The following STIMATE variants were observed in gnomAD, a reference collection of about 807,000 sequenced individuals.
STIMATE encodes store-operated calcium entry regulator STIMATE.
STIMATE carries 15 observed loss-of-function variants against 36.7 expected under a neutral mutation model. The observed-to-expected ratio is 0.41, with a 90% confidence interval of 0.27 to 0.63. The LOEUF is 0.63. Among genes scored for constraint, STIMATE ranks in the 20% least tolerant of loss-of-function variants. The pLI is 0.32. For synonymous variants in STIMATE, 163 were observed against 162.3 expected, an observed-to-expected ratio of 1.00 and a Z score of -0.03; for missense variants, 305 against 397.3, an observed-to-expected ratio of 0.77 and a Z score of 1.98.
intron 1 of STIMATE, among the ~76,000 whole-genome samples, chr3:52,859,180 T>A (rs1328719790): frequency 6.8e-6 from 1 of 146,444 alleles, no homozygotes; most frequent in African/African-American, 2.5e-5. Context: ...ATAAAATAAA[T>A]AAAATAAAAT....
At chr3:52,854,104 C>T (rs1410212330) in intron 2 of STIMATE, among the ~76,000 whole-genome samples, 2 of 152,136 alleles carry the variant, frequency 1.3e-5, no homozygotes, top group Non-Finnish European at 2.9e-5. Context: ...TGGTCTCTGT[C>T]CTGGTTTCTG....
intron 7 of STIMATE, among the ~76,000 whole-genome samples, chr3:52,841,382 G>T (rs1283230809): frequency 6.6e-6 from 1 of 152,266 alleles, no homozygotes; most frequent in Non-Finnish European, 1.5e-5. Context: ...AGCCAACTCT[G>T]TAACTGCTGA....
chr3:52,891,286 C>G (rs531938414), intron 1 of STIMATE, among the ~76,000 whole-genome samples: 131 of 152,290 alleles, frequency 8.6e-4, no homozygotes, highest in Non-Finnish European at 1.8e-3. Context: ...TCTGCACTTA[C>G]TAACCAGGAG....
chr3:52,875,729 C>G (rs1320948912), intron 1 of STIMATE, among the ~76,000 whole-genome samples: 1 of 152,232 alleles, frequency 6.6e-6, no homozygotes. Flanking sequence ...CTGGGTCACT[C>G]AACTTACTAG....
chr3:52,868,980 C>G (rs768870412), intron 1 of STIMATE, among the ~76,000 whole-genome samples: 1 of 152,150 alleles, frequency 6.6e-6, no homozygotes, highest in Non-Finnish European at 1.5e-5. Context: ...AAAGTATCAT[C>G]TCTATTTTAC....
At chr3:52,855,663 G>C (rs144948077) in intron 1 of STIMATE, among the ~76,000 whole-genome samples, 129 of 152,346 alleles carry the variant, frequency 8.5e-4, no homozygotes, top group Middle Eastern at 6.8e-3. Flanking sequence ...CACTTAGGGA[G>C]AAGGACTCCT....
intron 1 of STIMATE, among the ~76,000 whole-genome samples, chr3:52,895,301 G>C (rs529649018): frequency 3.3e-5 from 5 of 152,210 alleles, no homozygotes; most frequent in Admixed American, 1.3e-4. Context: ...AGCTCCCAGA[G>C]TACCATTGCC....
At chr3:52,879,651 T>G (rs561364966) in intron 1 of STIMATE, among the ~76,000 whole-genome samples, 2 of 152,216 alleles carry the variant, frequency 1.3e-5, no homozygotes, top group East Asian at 3.9e-4. Flanking sequence ...CAATGCTCAC[T>G]TTGTTCATCT....
chr3:52,861,003 C>T (rs532162584), intron 1 of STIMATE, among the ~76,000 whole-genome samples: 15 of 152,322 alleles, frequency 9.8e-5, no homozygotes, highest in African/African-American at 1.4e-4. Context: ...GTGGCTCAGG[C>T]AGGGTCCTAG....
rs150765976 is a variant in STIMATE at position 52,883,807 on chromosome 3, T to C, written c.160+13484A>G. 3.1e-3 allele frequency among the ~76,000 whole-genome samples: 472 copies of C among 152,344 alleles called. 2 individuals carry two copies. The highest frequency in any genetic ancestry group is 6.4e-3 in the South Asian group (31 of 4,828). On this transcript the variant is annotated intron_variant, in intron 1 of 7. Coordinates refer to ENST00000355083, the MANE Select transcript of STIMATE (RefSeq NM_198563.5). Reference sequence around the variant, plus strand: ...CTTTTCTATTTTCCATTGTGCTTATTATTTTTCTTTAAAACTTTAGCATAT... The same window carrying C: ...CTTTTCTATTTTCCATTGTGCTTATCATTTTTCTTTAAAACTTTAGCATAT...
intron 1 of STIMATE, among the ~76,000 whole-genome samples, chr3:52,861,758 T>C (rs1701219391): frequency 6.6e-6 from 1 of 152,300 alleles, no homozygotes; most frequent in Non-Finnish European, 1.5e-5. Flanking sequence ...CTGTGAAGCG[T>C]GAGACCTTGG....
intron 1 of STIMATE, among the ~76,000 whole-genome samples, chr3:52,886,771 C>T (rs1417595130): frequency 6.6e-6 from 1 of 152,212 alleles, no homozygotes; most frequent in East Asian, 1.9e-4. Flanking sequence ...AGCAACCCTA[C>T]CCCAGTTATC....
At chr3:52,852,052 C>G (rs1484995438) in intron 3 of STIMATE, among the ~76,000 whole-genome samples, 1 of 152,198 alleles carries the variant, frequency 6.6e-6, no homozygotes, top group Non-Finnish European at 1.5e-5. Context: ...CTCTGCCACT[C>G]CACCTGCTAA....
intron 1 of STIMATE, among the ~76,000 whole-genome samples, chr3:52,879,557 A>T (rs1700425091): frequency 6.6e-6 from 1 of 152,176 alleles, no homozygotes; most frequent in African/African-American, 2.4e-5. Flanking sequence ...TATACAATGT[A>T]AATAAACCAA....
chr3:52,856,621 C>T (rs1012908587), intron 1 of STIMATE, among the ~76,000 whole-genome samples: 1 of 152,046 alleles, frequency 6.6e-6, no homozygotes, highest in Non-Finnish European at 1.5e-5. Context: ...GAGGTTGAGG[C>T]TGCAGTGAGC....
In STIMATE at chr3:52,890,834, C is replaced by T. The variant is rs542170477; in HGVS notation, c.160+6457G>A. On this transcript the variant is annotated intron_variant, in intron 1 of 7. Coordinates refer to ENST00000355083, the MANE Select transcript of STIMATE (RefSeq NM_198563.5). ...AGCCCTGCAGACCCTTCCTCACCAG[C>T]GAGTAAAGGGACTCCGTGCTGCCTG... 1.4e-4 allele frequency among the ~76,000 whole-genome samples: 21 copies of T among 152,292 alleles called. No individual in the cohort carries two copies. The East Asian group carries it at 1.7e-3, about 13-fold the overall frequency.
chr3:52,844,416 G>A (rs1700859138), intron 5 of STIMATE, among the ~76,000 whole-genome samples: 1 of 152,202 alleles, frequency 6.6e-6, no homozygotes, highest in Non-Finnish European at 1.5e-5. Context: ...CCGTGGGCTG[G>A]CCAGGGCATC....
At chr3:52,849,117 C>CCCT (rs1303513050) in intron 4 of STIMATE, among the ~76,000 whole-genome samples, 2 of 152,200 alleles carry the variant, frequency 1.3e-5, no homozygotes, top group African/African-American at 4.8e-5. Context: ...CATCCGCTCT[C>CCCT]CCTCCCTCTT....
intron 1 of STIMATE, among the ~76,000 whole-genome samples, chr3:52,893,466 T>G (rs903976931): frequency 6.6e-6 from 1 of 152,144 alleles, no homozygotes; most frequent in African/African-American, 2.4e-5. Flanking sequence ...CAGTGTATTA[T>G]TTTTCATGTT....
Sources: allele counts gnomAD v4.1 joint callset (sites outside exome capture counted in the v4.1 genomes callset), GRCh38; gene constraint gnomAD v4.1.1; transcripts MANE v1.5; gene names NCBI Gene and HGNC (gene_info 2026-07-23, HGNC 2026-07-21).